The following VTA1 variants were observed in gnomAD, a reference collection of about 807,000 sequenced individuals.
The protein encoded by VTA1 is vacuolar protein sorting-associated protein VTA1 homolog.
Under a neutral mutation model 36.9 loss-of-function variants are expected in VTA1, and 24 were observed. The ratio of observed to expected loss-of-function variants is 0.65; its 90% CI spans 0.47 to 0.91. The LOEUF is 0.91. Among genes scored for constraint, VTA1 ranks in the 40% least tolerant of loss-of-function variants. The pLI is 0.00. For synonymous variants in VTA1, 142 were observed against 130.2 expected (o/e 1.09, Z -0.62); for missense variants, 393 against 377.2 (o/e 1.04, Z -0.35).
At chr6:142,171,067 C>G (rs1364223966) in intron 4 of VTA1, among the ~76,000 whole-genome samples, 1 of 151,948 alleles carries the variant, frequency 6.6e-6, no homozygotes, top group Non-Finnish European at 1.5e-5. Flanking sequence ...AGTTTTTACA[C>G]TGTAATTTGT....
intron 7 of VTA1, 125 bp from the exon 8 acceptor site, chr6:142,218,373 G>A: frequency 1.0e-6 from 1 of 964,798 alleles, no homozygotes; most frequent in Non-Finnish European, 1.5e-6. Flanking sequence ...ATGTGAGATT[G>A]ACTAAAACTA....
Position 142,169,918 on chromosome 6 carries a change from T to A in VTA1, c.335+241T>A, listed in dbSNP as rs529068820. Among the ~76,000 whole-genome samples, 77 of 152,256 alleles carry A rather than the reference T, an allele frequency of 5.1e-4. No homozygotes were observed. The Middle Eastern group carries it at 0.014, about 27-fold the overall frequency. ...ACTTAGTAAATATGCTCTACTTAGC[T>A]ATTTTTTAACATTTAGTAAAATCTG... On this transcript the variant is annotated intron_variant, in intron 3 of 7. Coordinates refer to ENST00000367630, the MANE Select transcript of VTA1 (RefSeq NM_016485.5).
chr6:142,215,121 C>G (rs225706), intron 7 of VTA1, among the ~76,000 whole-genome samples: 65,362 of 151,958 alleles, frequency 0.43, 15,059 homozygotes, highest in Middle Eastern at 0.56. Flanking sequence ...ATTAGAGTGT[C>G]AATGACAACT....
chr6:142,205,301 TCTC>T (rs1775770155), intron 7 of VTA1, among the ~76,000 whole-genome samples: 1 of 152,328 alleles, frequency 6.6e-6, no homozygotes, highest in Admixed American at 6.5e-5. Flanking sequence ...TTCTTTCTCT[TCTC>T]CTTTTTAATT....
intron 5 of VTA1, among the ~76,000 whole-genome samples, chr6:142,197,142 A>G (rs1775567546): frequency 6.6e-6 from 1 of 152,148 alleles, no homozygotes; most frequent in African/African-American, 2.4e-5. Context: ...TAGTGCCTTT[A>G]TGTTGTGGAG....
At chr6:142,163,219 C>A (rs1582879215) in intron 1 of VTA1, among the ~76,000 whole-genome samples, 1 of 151,994 alleles carries the variant, frequency 6.6e-6, no homozygotes, top group African/African-American at 2.4e-5. Context: ...AATTTACCAG[C>A]CAGCACACTT....
chr6:142,179,633 G>A (rs553953047), intron 4 of VTA1, among the ~76,000 whole-genome samples: 5 of 152,222 alleles, frequency 3.3e-5, no homozygotes, highest in African/African-American at 1.2e-4. Flanking sequence ...ATATACATAT[G>A]TGTGTACATG....
chr6:142,160,486 TTTC>T (rs1774779728), intron 1 of VTA1, among the ~76,000 whole-genome samples: 1 of 152,140 alleles, frequency 6.6e-6, no homozygotes, highest in African/African-American at 2.4e-5. Flanking sequence ...ATAGCTCCCT[TTTC>T]TTTAGACCTC....
intron 1 of VTA1, among the ~76,000 whole-genome samples, chr6:142,154,864 G>A (rs114113160): frequency 1.1e-3 from 171 of 152,096 alleles, no homozygotes; most frequent in African/African-American, 3.9e-3. Context: ...TTTAGTAACA[G>A]CGTTACTCTG....
At chr6:142,189,598 C>CAA (rs889552342) in intron 5 of VTA1, 64 bp downstream of exon 5, 1 of 1,331,610 alleles carries the variant, frequency 7.5e-7, no homozygotes, top group African/African-American at 1.5e-5. Flanking sequence ...GTAGATTACT[C>CAA]AAAGTTTTTG....
chr6:142,221,491 A>G lies in VTA1; in HGVS notation c.*2848A>G, dbSNP rs1776107591. ...GAGGGAGCTAAAAGCTTAGGATCAT[A>G]AAGCTTTTTTGTAAGACACTTGACT... On this transcript the variant is annotated 3_prime_UTR_variant, in exon 8 of 8. Coordinates refer to ENST00000367630, the MANE Select transcript of VTA1 (RefSeq NM_016485.5). 1 of 152,166 alleles carries G rather than the reference A, an allele frequency of 6.6e-6. No homozygotes were observed. The highest frequency in any genetic ancestry group is 1.5e-5 in the Non-Finnish European group (1 of 68,042). The allele number at this position is 152,166 out of a possible 1,614,324, so 9.4% of individuals were successfully genotyped here.
chr6:142,169,409 T>C (rs932259426), intron 2 of VTA1, 141 bp from the exon 3 acceptor site: 78 of 979,846 alleles, frequency 8.0e-5, no homozygotes, highest in Non-Finnish European at 1.1e-4. Context: ...AGCAGCTCTT[T>C]TTGCAAGATT....
intron 6 of VTA1, among the ~76,000 whole-genome samples, chr6:142,203,059 A>T (rs1275992749): frequency 6.6e-6 from 1 of 152,048 alleles, no homozygotes; most frequent in Admixed American, 6.6e-5. Context: ...TTAGAACTTC[A>T]TACCAGAAAA....
At chr6:142,159,330 C>T (rs1379171214) in intron 1 of VTA1, among the ~76,000 whole-genome samples, 2 of 152,018 alleles carry the variant, frequency 1.3e-5, no homozygotes, top group Admixed American at 6.6e-5. Context: ...TGCCACTGCA[C>T]TCCAACCTGG....
chr6:142,171,846 A>G (rs1025402186), intron 4 of VTA1, among the ~76,000 whole-genome samples: 1 of 152,192 alleles, frequency 6.6e-6, no homozygotes, highest in African/African-American at 2.4e-5. Flanking sequence ...ACAGAGTACA[A>G]TCACTGTATA....
At chr6:142,207,201 C>T (rs1417022556) in intron 7 of VTA1, among the ~76,000 whole-genome samples, 1 of 152,042 alleles carries the variant, frequency 6.6e-6, no homozygotes, top group African/African-American at 2.4e-5. Context: ...TACCCTTATG[C>T]CCACACAGAA....
rs147498508 is a variant in VTA1 at position 142,174,368 on chromosome 6, T to G, written c.411+3947T>G. ...TTGGTTTTTGGACTTGTGTGGGGCC[T>G]ATCGTGCCTTTTTTTGGGCAGTTTC... On this transcript the variant is annotated intron_variant, in intron 4 of 7. Coordinates refer to ENST00000367630, the MANE Select transcript of VTA1 (RefSeq NM_016485.5). Among the ~76,000 whole-genome samples the G allele has an allele frequency of 3.5e-3, 526 of 152,340 alleles. 1 individual carries two copies. The highest frequency in any genetic ancestry group is 0.012 in the African/African-American group (496 of 41,574).
At chr6:142,168,243 C>A (rs900675090) in intron 2 of VTA1, among the ~76,000 whole-genome samples, 1 of 152,062 alleles carries the variant, frequency 6.6e-6, no homozygotes, top group Admixed American at 6.6e-5. Context: ...TTTGGATACA[C>A]AAATTACTGT....
At chr6:142,183,113 T>G (rs1034708619) in intron 4 of VTA1, among the ~76,000 whole-genome samples, 1 of 152,154 alleles carries the variant, frequency 6.6e-6, no homozygotes. Flanking sequence ...GAAGATGGCA[T>G]GTAAGCCTTG....
Sources: gnomAD v4.1 joint callset for allele counts (sites outside exome capture counted in the v4.1 genomes callset) on GRCh38, gnomAD v4.1.1 for gene constraint, MANE v1.5 for transcripts, NCBI Gene and HGNC (gene_info 2026-07-23, HGNC 2026-07-21) for gene names.